NEK11: variants seen among roughly 807,000 people sequenced by gnomAD.
NEK11 encodes the protein serine/threonine-protein kinase Nek11.
A neutral mutation model predicts 80.7 loss-of-function variants in NEK11; 72 were observed. The observed-to-expected ratio is 0.89, with a 90% CI of 0.74 to 1.08. NEK11 has a LOEUF of 1.08. Among genes scored for constraint, NEK11 ranks in the 50% least tolerant of loss-of-function variants. NEK11 has a pLI of 0.00. For missense variants in NEK11, 764 were observed against 763.6 expected (o/e 1.00, Z -0.01); for synonymous variants, 251 against 260.7 (o/e 0.96, Z 0.36).
intron 14 of NEK11, among the ~76,000 whole-genome samples, chr3:131,214,364 G>A (rs538473647): frequency 2.0e-5 from 3 of 152,224 alleles, no homozygotes; most frequent in South Asian, 2.1e-4. Context: ...GTCATAGAAC[G>A]AGTTGTCTTC....
chr3:131,119,786 T>C (rs2082041452), intron 5 of NEK11, among the ~76,000 whole-genome samples: 1 of 152,200 alleles, frequency 6.6e-6, no homozygotes, highest in Admixed American at 6.5e-5. Context: ...GAGACTAGGA[T>C]TGCAACCCCT....
intron 4 of NEK11, among the ~76,000 whole-genome samples, chr3:131,089,884 G>A (rs894795419): frequency 2.0e-5 from 3 of 152,320 alleles, no homozygotes; most frequent in Non-Finnish European, 2.9e-5. Flanking sequence ...TGGAGATATG[G>A]TAGGGTGTGA....
intron 17 of NEK11, among the ~76,000 whole-genome samples, chr3:131,339,273 G>A (rs548122881): frequency 2.0e-5 from 3 of 151,958 alleles, no homozygotes; most frequent in South Asian, 2.1e-4. Flanking sequence ...AATAATTATC[G>A]ATCACCTATA....
chr3:131,127,330 T>C (rs1045645863), intron 5 of NEK11, among the ~76,000 whole-genome samples: 1 of 152,110 alleles, frequency 6.6e-6, no homozygotes, highest in Non-Finnish European at 1.5e-5. Context: ...CTAACCATTA[T>C]TCCAGTTTCT....
At chr3:131,028,692 G>C (rs2064297412) in intron 2 of NEK11, among the ~76,000 whole-genome samples, 2 of 152,144 alleles carry the variant, frequency 1.3e-5, no homozygotes, top group Non-Finnish European at 2.9e-5. Flanking sequence ...CTCCCGAGTA[G>C]CTGGGACTGC....
At chr3:131,028,736 G>C (rs1353257174) in intron 2 of NEK11, among the ~76,000 whole-genome samples, 1 of 151,914 alleles carries the variant, frequency 6.6e-6, no homozygotes, top group African/African-American at 2.4e-5. Context: ...TAATTTTTTT[G>C]TATTAGACGG....
chr3:131,064,823 A>G (rs1290984411), intron 3 of NEK11, among the ~76,000 whole-genome samples: 1 of 151,998 alleles, frequency 6.6e-6, no homozygotes, highest in Non-Finnish European at 1.5e-5. Flanking sequence ...CAAGAATGTA[A>G]ATAGGCATTT....
At chr3:131,319,209 TATA>T (rs1252908063) in intron 17 of NEK11, among the ~76,000 whole-genome samples, 2 of 152,186 alleles carry the variant, frequency 1.3e-5, no homozygotes, top group African/African-American at 4.8e-5. Flanking sequence ...AGATTTTTAA[TATA>T]ATCAATTTTT....
chr3:131,208,311 C>G (rs1483185545), intron 14 of NEK11, among the ~76,000 whole-genome samples: 2 of 152,138 alleles, frequency 1.3e-5, no homozygotes, highest in Non-Finnish European at 2.9e-5. Flanking sequence ...CTGTTCTGTT[C>G]CAATGATCTA....
chr3:131,320,583 A>G (rs192369794), intron 17 of NEK11, among the ~76,000 whole-genome samples: 2 of 152,214 alleles, frequency 1.3e-5, no homozygotes, highest in East Asian at 3.9e-4. Context: ...AACTCCTTCT[A>G]CAGTACCTTT....
At chr3:131,187,084 C>T (rs564708983) in intron 14 of NEK11, among the ~76,000 whole-genome samples, 11 of 152,094 alleles carry the variant, frequency 7.2e-5, no homozygotes, top group South Asian at 4.2e-4. Context: ...TGGTGCTGTG[C>T]GTTTGAGGAG....
intron 14 of NEK11, among the ~76,000 whole-genome samples, chr3:131,206,917 G>T (rs1185504660): frequency 6.6e-6 from 1 of 152,106 alleles, no homozygotes; most frequent in Non-Finnish European, 1.5e-5. Context: ...ACATGTGGTG[G>T]TTGGTTTTCT....
At chr3:131,098,294 A>T (rs1365690369) in intron 4 of NEK11, among the ~76,000 whole-genome samples, 1 of 152,242 alleles carries the variant, frequency 6.6e-6, no homozygotes. Flanking sequence ...CAAAAGCCAA[A>T]ATTGACAAAT....
intron 14 of NEK11, among the ~76,000 whole-genome samples, chr3:131,196,837 T>C (rs950385329): frequency 6.7e-6 from 1 of 149,318 alleles, no homozygotes; most frequent in Admixed American, 6.8e-5. Context: ...ATTTCTTTTC[T>C]TTTCTTTTCT....
intron 17 of NEK11, among the ~76,000 whole-genome samples, chr3:131,298,753 T>C (rs1241173836): frequency 6.6e-6 from 1 of 152,006 alleles, no homozygotes; most frequent in Non-Finnish European, 1.5e-5. Flanking sequence ...TTATCCTACT[T>C]AGTGATCTCT....
At chr3:131,064,721 T>C (rs1334950489) in intron 3 of NEK11, among the ~76,000 whole-genome samples, 2 of 152,152 alleles carry the variant, frequency 1.3e-5, no homozygotes, top group African/African-American at 2.4e-5. Context: ...GGTACATGAA[T>C]TATGTCTCAA....
chr3:131,122,122 T>G (rs1225267209), intron 5 of NEK11, among the ~76,000 whole-genome samples: 1 of 152,204 alleles, frequency 6.6e-6, no homozygotes, highest in East Asian at 1.9e-4. Flanking sequence ...ACCTCCTCCC[T>G]GTTGTGTTTT....
intron 4 of NEK11, among the ~76,000 whole-genome samples, chr3:131,106,664 G>A (rs1031891748): frequency 2.0e-5 from 3 of 151,934 alleles, no homozygotes; most frequent in African/African-American, 7.3e-5. Flanking sequence ...AAATATTTTA[G>A]GTTTGTTTCT....
At chr3:131,118,765 T>C (rs1255400745) in intron 5 of NEK11, among the ~76,000 whole-genome samples, 1 of 152,142 alleles carries the variant, frequency 6.6e-6, no homozygotes, top group Non-Finnish European at 1.5e-5. Flanking sequence ...TGAGTAGAGG[T>C]GTTTATAGTA....
Sources: gnomAD v4.1 joint callset for allele counts (sites outside exome capture counted in the v4.1 genomes callset) on GRCh38, gnomAD v4.1.1 for gene constraint, MANE v1.5 for transcripts, NCBI Gene and HGNC (gene_info 2026-07-23, HGNC 2026-07-21) for gene names.